The following PARD3 variants were observed in gnomAD, a reference collection of about 807,000 sequenced individuals.
PARD3 encodes partitioning defective 3 homolog.
PARD3 carries 75 observed loss-of-function variants against 155.4 expected under a neutral mutation model. That is an observed-to-expected ratio of 0.48 (90% CI 0.40 to 0.58). PARD3 has a LOEUF of 0.58. Ranked by LOEUF, PARD3 falls within the 20% of genes least tolerant of loss-of-function variation. The pLI is 0.00. For synonymous variants in PARD3, 576 were observed against 610.5 expected (o/e 0.94, Z 0.83); for missense variants, 1,642 against 1,721.7 (o/e 0.95, Z 0.82).
intron 2 of PARD3, among the ~76,000 whole-genome samples, chr10:34,588,715 A>C (rs182273313): frequency 5.3e-5 from 8 of 152,274 alleles, no homozygotes; most frequent in African/African-American, 1.9e-4. Flanking sequence ...GCTTTGCTAC[A>C]CTGAGTGGTT....
intron 22 of PARD3, among the ~76,000 whole-genome samples, chr10:34,254,424 G>C (rs1256150686): frequency 1.3e-5 from 2 of 151,572 alleles, no homozygotes; most frequent in African/African-American, 4.9e-5. Context: ...AAAAAATTAA[G>C]ATAAAGTTAC....
intron 19 of PARD3, among the ~76,000 whole-genome samples, chr10:34,326,217 A>G (rs1489583640): frequency 6.6e-6 from 1 of 152,070 alleles, no homozygotes; most frequent in African/African-American, 2.4e-5. Flanking sequence ...GCTAAGTTAC[A>G]TTTTACCTAG....
At chr10:34,621,568 C>T (rs2091681080) in intron 2 of PARD3, among the ~76,000 whole-genome samples, 1 of 152,086 alleles carries the variant, frequency 6.6e-6, no homozygotes, top group African/African-American at 2.4e-5. Flanking sequence ...CGCCTGGAAA[C>T]CCCTAAGACA....
chr10:34,142,751 T>C (rs1256298618), intron 22 of PARD3, among the ~76,000 whole-genome samples: 2 of 152,154 alleles, frequency 1.3e-5, no homozygotes, highest in Non-Finnish European at 2.9e-5. Context: ...CACTTACTTT[T>C]CATAGTGTGA....
chr10:34,396,972 T>C (rs1170220652), intron 7 of PARD3, among the ~76,000 whole-genome samples: 2 of 152,196 alleles, frequency 1.3e-5, no homozygotes, highest in East Asian at 1.9e-4. Context: ...GCACCTATTA[T>C]ATAACTATAT....
intron 2 of PARD3, among the ~76,000 whole-genome samples, chr10:34,615,956 G>C (rs1268385063): frequency 6.6e-6 from 1 of 152,210 alleles, no homozygotes. Context: ...TGCTGGTGAG[G>C]ATGTGGAGAA....
chr10:34,782,076 G>C (rs1399500488), intron 1 of PARD3, among the ~76,000 whole-genome samples: 1 of 152,146 alleles, frequency 6.6e-6, no homozygotes, highest in Non-Finnish European at 1.5e-5. Flanking sequence ...GAGTAAGGAA[G>C]TGCACTTTGA....
intron 19 of PARD3, among the ~76,000 whole-genome samples, chr10:34,321,459 G>T (rs376408930): frequency 6.6e-6 from 1 of 152,090 alleles, no homozygotes; most frequent in East Asian, 1.9e-4. Context: ...CACAAAGAGC[G>T]ATGATTATCT....
chr10:34,763,534 A>G (rs1429336758), intron 1 of PARD3, among the ~76,000 whole-genome samples: 2 of 152,202 alleles, frequency 1.3e-5, no homozygotes, highest in Non-Finnish European at 2.9e-5. Flanking sequence ...AAAAGAAAAA[A>G]TAGAGATGTT....
chr10:34,646,121 G>T (rs1354668389), intron 2 of PARD3, among the ~76,000 whole-genome samples: 1 of 152,188 alleles, frequency 6.6e-6, no homozygotes, highest in Non-Finnish European at 1.5e-5. Context: ...GTTATCATAT[G>T]TAACCACTCA....
chr10:34,317,369 C>T (rs780204120), intron 19 of PARD3, 31 bp from the exon 20 acceptor site: 15 of 1,568,874 alleles, frequency 9.6e-6, no homozygotes, highest in Middle Eastern at 3.4e-4. Flanking sequence ...AATAGGGACA[C>T]AGTGAACCAA....
chr10:34,417,677 C>A (rs1273984196), intron 5 of PARD3, among the ~76,000 whole-genome samples: 1 of 152,068 alleles, frequency 6.6e-6, no homozygotes, highest in East Asian at 1.9e-4. Flanking sequence ...TTTCAATTAC[C>A]AACTGCATTT....
intron 2 of PARD3, among the ~76,000 whole-genome samples, chr10:34,678,930 C>T (rs558118624): frequency 6.6e-6 from 1 of 152,142 alleles, no homozygotes; most frequent in South Asian, 2.1e-4. Flanking sequence ...ACGCCTTCAC[C>T]GAATCCTTCC....
intron 2 of PARD3, among the ~76,000 whole-genome samples, chr10:34,518,548 C>T (rs985906373): frequency 6.6e-6 from 1 of 152,158 alleles, no homozygotes; most frequent in Admixed American, 6.5e-5. Flanking sequence ...AAAGCGGAGA[C>T]AACTTACAAA....
intron 20 of PARD3, among the ~76,000 whole-genome samples, chr10:34,313,875 G>A (rs1957840348): frequency 6.6e-6 from 1 of 152,276 alleles, no homozygotes; most frequent in African/African-American, 2.4e-5. Flanking sequence ...ACAAGCTCAT[G>A]TGCTGCTATA....
At position 34,619,053 on chromosome 10, in the gene PARD3, TTTTC is replaced by T. The variant is rs769382180; in HGVS notation, c.222+77261_222+77264del. Among the ~76,000 whole-genome samples, 512 of 150,982 alleles carry T rather than the reference TTTTC, an allele frequency of 3.4e-3. 1 individual carries two copies. Among genetic ancestry groups the T allele is most frequent in the Non-Finnish European group, 6.6e-3 (446 of 67,850 alleles). On this transcript the variant is annotated intron_variant, in intron 2 of 24. Coordinates refer to ENST00000374788, the MANE Select transcript of PARD3 (RefSeq NM_001184785.2). ...TATAGTCCCATAAAGCCTTTTTTTTTTTTCTTTTTTTTTTTGAGACAGAGTCTCA... is the reference window on the plus strand; with the variant it reads ...TATAGTCCCATAAAGCCTTTTTTTTTTTTTTTTTTTTGAGACAGAGTCTCA...
intron 3 of PARD3, among the ~76,000 whole-genome samples, chr10:34,471,834 C>T (rs1301972635): frequency 6.6e-6 from 1 of 152,212 alleles, no homozygotes; most frequent in South Asian, 2.1e-4. Context: ...GCTGGGATTA[C>T]AGGCGTGAGC....
rs1564615625 is a variant in PARD3 at position 34,350,134 on chromosome 10, T to TA, written c.2068-2020dup. ...AGATACAATGGCTTTTAATTTCTTT[T>TA]AAAAAAACTGATTGGGGTTACAGTT... is the stretch of plus-strand genomic sequence containing the variant. On this transcript the variant is annotated intron_variant, in intron 14 of 24. Coordinates refer to ENST00000374788, the MANE Select transcript of PARD3 (RefSeq NM_001184785.2). 2.6e-5 allele frequency among the ~76,000 whole-genome samples: 4 copies of TA among 152,330 alleles called. No individual in the cohort carries two copies. The South Asian group carries it at 6.2e-4, about 24-fold the overall frequency.
At chr10:34,757,598 CT>C (rs1836908356) in intron 1 of PARD3, among the ~76,000 whole-genome samples, 1 of 151,940 alleles carries the variant, frequency 6.6e-6, no homozygotes, top group African/African-American at 2.4e-5. Flanking sequence ...ATAAACCCAG[CT>C]ACTCGGGAGG....
Sources: allele counts gnomAD v4.1 joint callset (sites outside exome capture counted in the v4.1 genomes callset), GRCh38; gene constraint gnomAD v4.1.1; transcripts MANE v1.5; gene names NCBI Gene and HGNC (gene_info 2026-07-23, HGNC 2026-07-21).